Variants in GAREM1 observed in about 807,000 individuals in gnomAD.
GAREM1 encodes GRB2 associated regulator of MAPK1 subtype 1.
Under a neutral mutation model 71.3 loss-of-function variants are expected in GAREM1, and 26 were observed. The ratio of observed to expected loss-of-function variants is 0.36; its 90% confidence interval spans 0.27 to 0.51. GAREM1 has a LOEUF of 0.51. Ranked by LOEUF, GAREM1 falls within the 20% of genes least tolerant of loss-of-function variation. The pLI, the probability that GAREM1 is intolerant of heterozygous loss-of-function variation, is 0.95. For missense variants in GAREM1, 1,026 were observed against 1,103.1 expected (o/e 0.93, Z 0.99); for synonymous variants, 440 against 433.2 (o/e 1.02, Z -0.20).
chr18:32,272,674 C>T lies in GAREM1; in HGVS notation c.1567-2291G>A, dbSNP rs76208568. Among the ~76,000 whole-genome samples, 309 of 151,882 alleles carry T rather than the reference C, an allele frequency of 2.0e-3. 10 individuals carry two copies. The East Asian group carries it at 0.047, about 23-fold the overall frequency. Reference sequence around the variant, plus strand: ...GTTTCACTCTTGTTGCCTAGGCTGGCGTGCAATGGCATGATCTTGGCTCAT... The same window carrying T: ...GTTTCACTCTTGTTGCCTAGGCTGGTGTGCAATGGCATGATCTTGGCTCAT... On this transcript the variant is annotated intron_variant, in intron 4 of 5. Transcript: ENST00000269209.
chr18:32,357,922 G>A (rs2047821593), intron 2 of GAREM1, among the ~76,000 whole-genome samples: 1 of 152,040 alleles, frequency 6.6e-6, no homozygotes. Context: ...ACATCATGTG[G>A]GCAGGGGGCT....
At chr18:32,431,257 T>C (rs948347264) in intron 1 of GAREM1, among the ~76,000 whole-genome samples, 18 of 152,158 alleles carry the variant, frequency 1.2e-4, no homozygotes, top group Admixed American at 9.2e-4. Flanking sequence ...ATCCTCAGGA[T>C]ACTATCGAAT....
intron 1 of GAREM1, among the ~76,000 whole-genome samples, chr18:32,399,723 A>AT (rs1319409708): frequency 6.6e-6 from 1 of 152,226 alleles, no homozygotes; most frequent in African/African-American, 2.4e-5. Flanking sequence ...GGAAGAATCA[A>AT]TATCGTGAAA....
chr18:32,451,583 C>T (rs529521820), intron 1 of GAREM1, among the ~76,000 whole-genome samples: 1 of 152,296 alleles, frequency 6.6e-6, no homozygotes, highest in Admixed American at 6.5e-5. Flanking sequence ...ATATTTCCCA[C>T]TCACCCTGCT....
chr18:32,280,324 G>A (rs1326714506), intron 4 of GAREM1, among the ~76,000 whole-genome samples: 1 of 152,124 alleles, frequency 6.6e-6, no homozygotes. Flanking sequence ...GTCACGTGAG[G>A]CCCCTAATTC....
chr18:32,362,745 G>A (rs2047878105), intron 2 of GAREM1, among the ~76,000 whole-genome samples: 1 of 152,118 alleles, frequency 6.6e-6, no homozygotes, highest in Non-Finnish European at 1.5e-5. Flanking sequence ...TCAAGATATT[G>A]TAACTATCAT....
intron 4 of GAREM1, among the ~76,000 whole-genome samples, chr18:32,283,999 A>G (rs1274037662): frequency 2.0e-5 from 3 of 152,184 alleles, no homozygotes; most frequent in Admixed American, 6.5e-5. Context: ...CACATGGCAC[A>G]TCTCTCTCCC....
intron 2 of GAREM1, among the ~76,000 whole-genome samples, chr18:32,339,853 C>T (rs893382975): frequency 1.3e-5 from 2 of 152,190 alleles, no homozygotes; most frequent in African/African-American, 4.8e-5. Context: ...TACCATTAGT[C>T]CTTCCATCCG....
intron 1 of GAREM1, among the ~76,000 whole-genome samples, chr18:32,432,576 G>T (rs1368604503): frequency 6.6e-6 from 1 of 151,984 alleles, no homozygotes; most frequent in East Asian, 1.9e-4. Flanking sequence ...CAAAAGAGAA[G>T]AGATATAAAT....
At chr18:32,359,473 C>T (rs958834230) in intron 2 of GAREM1, among the ~76,000 whole-genome samples, 2 of 152,226 alleles carry the variant, frequency 1.3e-5, no homozygotes, top group Non-Finnish European at 2.9e-5. Flanking sequence ...ATACAGTTCA[C>T]AGTGGAGCCA....
intron 2 of GAREM1, among the ~76,000 whole-genome samples, chr18:32,384,394 T>C (rs1288290889): frequency 2.0e-5 from 3 of 152,246 alleles, no homozygotes; most frequent in African/African-American, 4.8e-5. Context: ...GTGGTTTTGA[T>C]AAAAATGCCA....
chr18:32,347,421 A>C (rs2047707356), intron 2 of GAREM1, among the ~76,000 whole-genome samples: 1 of 152,172 alleles, frequency 6.6e-6, no homozygotes, highest in Non-Finnish European at 1.5e-5. Context: ...GCAGCAAAGG[A>C]AATAAATCTC....
In GAREM1 at chr18:32,263,703, A is replaced by C. The variant is rs2041336627; in HGVS notation, c.*4168T>G. 1 of 152,210 alleles carries C rather than the reference A, an allele frequency of 6.6e-6. No homozygotes were observed. The allele number at this position is 152,210 out of a possible 1,614,324, so 9.4% of individuals were successfully genotyped here. ...ACAACCCAAGTTTTCCAAGCAAAGA[A>C]ACTGTAAAGATGGTTACAAAATTCT... On this transcript the variant is annotated 3_prime_UTR_variant, in exon 6 of 6. Transcript: ENST00000269209.
chr18:32,405,737 G>A (rs979653213), intron 1 of GAREM1, among the ~76,000 whole-genome samples: 4 of 152,110 alleles, frequency 2.6e-5, no homozygotes, highest in Admixed American at 1.3e-4. Context: ...CTCTTTTCTC[G>A]ACCAATGGCT....
intron 1 of GAREM1, among the ~76,000 whole-genome samples, chr18:32,422,062 A>G (rs946690913): frequency 1.3e-5 from 2 of 151,988 alleles, no homozygotes. Flanking sequence ...ATATGTATAC[A>G]TGTGCCATGT....
At chr18:32,364,424 C>T (rs1420478786) in intron 2 of GAREM1, among the ~76,000 whole-genome samples, 1 of 152,054 alleles carries the variant, frequency 6.6e-6, no homozygotes, top group African/African-American at 2.4e-5. Context: ...CATGCACACA[C>T]ACACATGCAC....
Position 32,470,373 on chromosome 18 carries a change from A to G in GAREM1, c.56T>C (p.Val19Ala), listed in dbSNP as rs2049041107. 7 of 1,558,422 alleles carry G rather than the reference A, an allele frequency of 4.5e-6. No individual in the cohort carries two copies. The highest frequency in any genetic ancestry group is 6.1e-6 in the Non-Finnish European group (7 of 1,153,618). ...CSLKDVKWSS[V>A]AVPLDLLVST... ...GACCAGGAGGTCGAGCGGCACGGCC[A>G]CCGAGCTCCACTTCACATCCTTGAG... Residue 19 changes from valine (V) to alanine (A), a missense_variant, in exon 1 of 6, where the codon GTG (valine) becomes GCG (alanine). This residue lies in a region of GAREM1 where 172 missense variants were observed against 175.2 expected (regional missense o/e 0.98). Coordinates refer to ENST00000269209, the MANE Select transcript of GAREM1 (RefSeq NM_001242409.2). The surrounding 1 kb of genome is among the most constrained non-coding windows in gnomAD (Gnocchi z 4.4).
At position 32,470,573 on chromosome 18, in the gene GAREM1, G is replaced by A. The variant is rs2049044671; in HGVS notation, c.-145C>T. ...CGGCCGCGGGCAGCCGGGGGGGCGC[G>A]GCGACTGGGGCGGCCCGGAGGGAGG... On this transcript the variant is annotated 5_prime_UTR_variant, in exon 1 of 6. Coordinates refer to ENST00000269209, the MANE Select transcript of GAREM1 (RefSeq NM_001242409.2). The surrounding 1 kb of genome is among the most constrained non-coding windows in gnomAD (Gnocchi z 4.4). 4.9e-6 allele frequency: 2 copies of A among 408,322 alleles called. No individual in the cohort carries two copies. Among genetic ancestry groups the A allele is most frequent in the African/African-American group, 2.2e-5 (1 of 45,870 alleles). 25.3% of individuals were successfully genotyped at this position (408,322 alleles called of 1,614,324 possible). A position where few individuals can be genotyped will look rare whatever the true frequency, so the allele number is the denominator to read the frequency against.
intron 2 of GAREM1, among the ~76,000 whole-genome samples, chr18:32,351,701 C>CT (rs60133649): frequency 0.084 from 12,211 of 144,796 alleles, 521 homozygotes; most frequent in Non-Finnish European, 0.11. Flanking sequence ...TACCCTCTCT[C>CT]TTTTTTTTTT....
Sources: gnomAD v4.1 joint callset for allele counts (sites outside exome capture counted in the v4.1 genomes callset) on GRCh38, gnomAD v4.1.1 for gene constraint, gnomAD v4.1.1 regional missense constraint, Gnocchi (gnomAD v3.1) non-coding constraint, MANE v1.5 for transcripts, NCBI Gene and HGNC (gene_info 2026-07-23, HGNC 2026-07-21) for gene names.